Variants in PPP1CC observed in about 807,000 individuals in gnomAD.
PPP1CC encodes protein phosphatase 1 catalytic subunit gamma.
A neutral mutation model predicts 38.4 loss-of-function variants in PPP1CC; 16 were observed. The observed-to-expected ratio is 0.42, with a 90% CI of 0.28 to 0.63. The LOEUF (loss-of-function observed/expected upper bound fraction) is 0.63, where lower values mean the gene tolerates loss of function less well. PPP1CC is among the 30% of genes least tolerant of loss of function. The probability of loss-of-function intolerance (pLI) is 0.25; values close to 1 mark genes in which losing one functional copy is unlikely to be tolerated. For synonymous variants in PPP1CC, 158 were observed against 136.0 expected, an observed-to-expected ratio of 1.16 and a Z score of -1.13; for missense variants, 170 against 391.3, an observed-to-expected ratio of 0.43 and a Z score of 4.77.
At chr12:110,709,587 C>G in the PPP1CC span, among the ~76,000 whole-genome samples, 4 of 151,098 alleles carry the variant, frequency 2.6e-5, no homozygotes, top group Non-Finnish European at 4.4e-5. Flanking sequence ...GAGACGGAGT[C>G]TCACTCTGTT....
At chr12:110,723,518 T>C (rs2069762303) in intron 4 of PPP1CC, among the ~76,000 whole-genome samples, 1 of 152,192 alleles carries the variant, frequency 6.6e-6, no homozygotes, top group Admixed American at 6.5e-5. Context: ...TATATATGTA[T>C]ATATTTTCAG....
intron 3 of PPP1CC, among the ~76,000 whole-genome samples, chr12:110,728,344 A>G (rs1247916487): frequency 6.7e-6 from 1 of 148,834 alleles, no homozygotes; most frequent in Non-Finnish European, 1.5e-5. Context: ...GCTTGCAGTG[A>G]GGCGAGATCG....
At chr12:110,733,672 T>A (rs1452444690) in intron 1 of PPP1CC, among the ~76,000 whole-genome samples, 1 of 152,188 alleles carries the variant, frequency 6.6e-6, no homozygotes, top group East Asian at 1.9e-4. Context: ...TGGAGTGCAG[T>A]GGCATGATCA....
chr12:110,724,772 TAAA>T lies in PPP1CC; in HGVS notation c.419-11_419-9del. ...TGTTGTATCTTCTTTTACCTGTGAT[TAAA>T]AAGAGAGTATTACATTAAAAAGAGA... is the stretch of plus-strand genomic sequence containing the variant. On this transcript the variant is annotated splice_polypyrimidine_tract_variant and intron_variant, in intron 3 of 6. Transcript: ENST00000335007. The T allele has an allele frequency of 6.7e-7, 1 of 1,482,244 alleles. No individual in the cohort carries two copies. The highest frequency in any genetic ancestry group is 9.4e-7 in the Non-Finnish European group (1 of 1,060,650). 91.8% of individuals were successfully genotyped at this position (1,482,244 alleles called of 1,614,324 possible).
Position 110,733,476 on chromosome 12 carries a change from A to AT in PPP1CC, c.56-1576dup, listed in dbSNP as rs1009550109. 8.1e-3 allele frequency among the ~76,000 whole-genome samples: 1,200 copies of AT among 148,786 alleles called. 21 individuals carry two copies. The highest frequency in any genetic ancestry group is 0.027 in the African/African-American group (1,106 of 40,776). ...TCAGATGAAATCAATGTTGCTAACA[A>AT]TTTTTTTTTTTGGCTTTGGACGCTC... On this transcript the variant is annotated intron_variant, in intron 1 of 6. Coordinates refer to ENST00000335007, the MANE Select transcript of PPP1CC (RefSeq NM_002710.4).
Position 110,730,741 on chromosome 12 carries a change from T to C in PPP1CC, c.206A>G (p.Tyr69Cys). 6.2e-7 allele frequency: 1 copy of C among 1,612,306 alleles called. No homozygotes were observed. The highest frequency in any genetic ancestry group is 8.5e-7 in the Non-Finnish European group (1 of 1,179,436). ...CTCAAAAAGTCGCAGCAAATCATAG[T>C]ATTGTCCATGGATGTCACCTGGAAG... is the stretch of plus-strand genomic sequence containing the variant. ...LKICGDIHGQ[Y>C]YDLLRLFEYG... Residue 69 changes from tyrosine (Y) to cysteine (C), a missense_variant, in exon 3 of 7, where the codon TAC (tyrosine) becomes TGC (cysteine). Tyr to Cys is a radical substitution (Grantham distance 194). Around this residue, in one of 3 missense-constraint regions of PPP1CC, gnomAD observed 117 missense variants for 344.4 expected, o/e 0.34. Coordinates refer to ENST00000335007, the MANE Select transcript of PPP1CC (RefSeq NM_002710.4).
downstream of PPP1CC, among the ~76,000 whole-genome samples, chr12:110,716,263 T>G (rs2069686301): frequency 6.6e-6 from 1 of 152,220 alleles, no homozygotes; most frequent in South Asian, 2.1e-4. Context: ...TTTAAAATTC[T>G]TACAAACTTT....
At chr12:110,724,123 A>G (rs2069768866) in intron 4 of PPP1CC, among the ~76,000 whole-genome samples, 1 of 152,124 alleles carries the variant, frequency 6.6e-6, no homozygotes, top group Non-Finnish European at 1.5e-5. Context: ...CTGCAGTCCC[A>G]GCTACTCAGG....
chr12:110,709,799 AGCCTCCCAAAGT>A, the PPP1CC span, among the ~76,000 whole-genome samples: 1 of 151,806 alleles, frequency 6.6e-6, no homozygotes, highest in Non-Finnish European at 1.5e-5. Flanking sequence ...CACCCGACTC[AGCCTCCCAAAGT>A]GCTGGGATTA....
At chr12:110,709,286 G>A in the PPP1CC span, among the ~76,000 whole-genome samples, 5 of 151,856 alleles carry the variant, frequency 3.3e-5, no homozygotes. Context: ...CTGGAGTGCA[G>A]TATCGCGATC....
intron 3 of PPP1CC, among the ~76,000 whole-genome samples, chr12:110,730,169 G>A (rs900052053): frequency 1.3e-5 from 2 of 152,328 alleles, no homozygotes; most frequent in Admixed American, 1.3e-4. Context: ...ATCAGCTTGG[G>A]CAACAAGGTG....
chr12:110,728,121 C>G (rs192633353), intron 3 of PPP1CC, among the ~76,000 whole-genome samples: 1 of 152,118 alleles, frequency 6.6e-6, no homozygotes, highest in Non-Finnish European at 1.5e-5. Flanking sequence ...AAGAGCAGGC[C>G]AGGCACGGTG....
intron 1 of PPP1CC, among the ~76,000 whole-genome samples, chr12:110,736,670 T>C (rs1306848768): frequency 1.3e-5 from 2 of 152,090 alleles, no homozygotes; most frequent in Non-Finnish European, 2.9e-5. Context: ...TAAAATAGCA[T>C]TGGTGATTAT....
In PPP1CC at chr12:110,742,702, C is replaced by G; in HGVS notation, c.6G>C (p.Ala2=). The change falls in exon 1 of 7, where the codon GCG becomes GCC. Residue 2 remains alanine, a synonymous_variant. Transcript: ENST00000335007. M[A]DLDKLNIDSI... ...TGTCGATGTTGAGTTTATCTAAATCCGCCATCGCCTTCCCACCGCCGACCC... is the reference window on the plus strand; with the variant it reads ...TGTCGATGTTGAGTTTATCTAAATCGGCCATCGCCTTCCCACCGCCGACCC... The G allele has an allele frequency of 6.9e-7, 1 of 1,455,942 alleles. No individual in the cohort carries two copies. Among genetic ancestry groups the G allele is most frequent in the Non-Finnish European group, 9.1e-7 (1 of 1,093,092 alleles). The allele number at this position is 1,455,942 out of a possible 1,614,324, so 90.2% of individuals were successfully genotyped here.
At chr12:110,724,010 G>A (rs1408878849) in intron 4 of PPP1CC, among the ~76,000 whole-genome samples, 1 of 151,558 alleles carries the variant, frequency 6.6e-6, no homozygotes. Context: ...AGGCCGAGGC[G>A]GGCAGATCAC....
At chr12:110,732,238 T>C (rs563616121) in intron 1 of PPP1CC, 8 of 400,790 alleles carry the variant, frequency 2.0e-5, no homozygotes, top group Middle Eastern at 6.5e-4. Flanking sequence ...GGGCAGATCA[T>C]GATGAGGTCA....
chr12:110,741,368 A>G (rs2070015405), intron 1 of PPP1CC, among the ~76,000 whole-genome samples: 2 of 152,262 alleles, frequency 1.3e-5, no homozygotes, highest in Admixed American at 6.5e-5. Flanking sequence ...TTATAGTCCA[A>G]CAATATTTTA....
the PPP1CC span, among the ~76,000 whole-genome samples, chr12:110,714,098 C>A: frequency 3.3e-5 from 5 of 152,120 alleles, no homozygotes; most frequent in African/African-American, 9.7e-5. Context: ...GACTACAACT[C>A]AAAAACAAAC....
chr12:110,709,932 A>AAATAAT, the PPP1CC span, among the ~76,000 whole-genome samples: 6,731 of 141,982 alleles, frequency 0.047, 327 homozygotes, highest in African/African-American at 0.12. Context: ...AAAAACTCCA[A>AAATAAT]AATAATAATA....
Sources: gnomAD v4.1 joint callset for allele counts (sites outside exome capture counted in the v4.1 genomes callset) on GRCh38, gnomAD v4.1.1 for gene constraint, gnomAD v4.1.1 regional missense constraint, MANE v1.5 for transcripts, NCBI Gene and HGNC (gene_info 2026-07-23, HGNC 2026-07-21) for gene names.